Variants in CTNNA2 observed in about 807,000 individuals in gnomAD.
CTNNA2 encodes the protein catenin alpha-2.
In CTNNA2, 42 loss-of-function variants were observed where a neutral mutation model predicts 101.0. The observed-to-expected ratio is 0.42, with a 90% confidence interval of 0.32 to 0.54. The LOEUF (loss-of-function observed/expected upper bound fraction) is 0.54, where lower values mean the gene tolerates loss of function less well. Ranked by LOEUF, CTNNA2 falls within the 20% of genes least tolerant of loss-of-function variation. The pLI, the probability that CTNNA2 is intolerant of heterozygous loss-of-function variation, is 0.14. For synonymous variants in CTNNA2, 450 were observed against 456.4 expected (o/e 0.99, Z 0.18); for missense variants, 871 against 1,223.1 (o/e 0.71, Z 4.29).
chr2:80,449,298 A>G (rs1683306832), intron 9 of CTNNA2, among the ~76,000 whole-genome samples: 1 of 55,128 alleles, frequency 1.8e-5, no homozygotes, highest in South Asian at 9.3e-4. Flanking sequence ...TAAATAAATA[A>G]ATAAATAAAT....
intron 2 of CTNNA2, among the ~76,000 whole-genome samples, chr2:79,223,228 A>G (rs1674367769): frequency 6.6e-6 from 1 of 152,174 alleles, no homozygotes; most frequent in South Asian, 2.1e-4. Context: ...AGTCACAACA[A>G]GCAGTTAGCA....
chr2:79,462,432 A>C (rs1006738655), intron 4 of CTNNA2, among the ~76,000 whole-genome samples: 2 of 152,236 alleles, frequency 1.3e-5, no homozygotes, highest in African/African-American at 4.8e-5. Context: ...TTTGGTCCAC[A>C]TGGTTAGTCC....
At chr2:80,530,060 T>G (rs1296314401) in intron 9 of CTNNA2, among the ~76,000 whole-genome samples, 1 of 152,018 alleles carries the variant, frequency 6.6e-6, no homozygotes, top group East Asian at 1.9e-4. Flanking sequence ...TGAAAGCAAA[T>G]GCATCTGTGG....
intron 7 of CTNNA2, among the ~76,000 whole-genome samples, chr2:80,350,487 C>T (rs538776556): frequency 3.9e-5 from 6 of 152,278 alleles, no homozygotes; most frequent in African/African-American, 1.2e-4. Flanking sequence ...GCAGTTGCTA[C>T]AAGAAGTGGC....
chr2:80,171,332 A>G (rs1191130205), intron 7 of CTNNA2, among the ~76,000 whole-genome samples: 1 of 152,232 alleles, frequency 6.6e-6, no homozygotes, highest in Non-Finnish European at 1.5e-5. Context: ...GCATGGGCAC[A>G]GATACCTTAG....
intron 9 of CTNNA2, among the ~76,000 whole-genome samples, chr2:80,497,257 C>T (rs746445782): frequency 2.0e-5 from 3 of 152,120 alleles, no homozygotes; most frequent in Non-Finnish European, 4.4e-5. Flanking sequence ...GTGTTGAGGA[C>T]AGTATGAAAA....
chr2:80,457,077 A>C (rs1684042358), intron 9 of CTNNA2, among the ~76,000 whole-genome samples: 1 of 151,612 alleles, frequency 6.6e-6, no homozygotes, highest in African/African-American at 2.4e-5. Flanking sequence ...TTTTTTTTTA[A>C]TTTTACATGT....
At chr2:80,124,333 A>T (rs2148883418) in intron 7 of CTNNA2, among the ~76,000 whole-genome samples, 1 of 152,174 alleles carries the variant, frequency 6.6e-6, no homozygotes, top group African/African-American at 2.4e-5. Flanking sequence ...TTGGGACTGG[A>T]TTAAGTGCTT....
intron 7 of CTNNA2, among the ~76,000 whole-genome samples, chr2:80,086,146 T>C (rs549541981): frequency 6.6e-6 from 1 of 152,138 alleles, no homozygotes; most frequent in African/African-American, 2.4e-5. Flanking sequence ...ATTAATGAAT[T>C]TGACCCAAAT....
intron 7 of CTNNA2, among the ~76,000 whole-genome samples, chr2:80,307,677 A>G (rs186484936): frequency 1.0e-3 from 159 of 152,306 alleles, no homozygotes; most frequent in African/African-American, 3.7e-3. Flanking sequence ...ATTGGATAAG[A>G]GATGCTTTAT....
At chr2:79,463,166 T>C (rs1250483457) in intron 4 of CTNNA2, among the ~76,000 whole-genome samples, 1 of 152,026 alleles carries the variant, frequency 6.6e-6, no homozygotes, top group Non-Finnish European at 1.5e-5. Flanking sequence ...AATCCCACCA[T>C]TTTGGGAGGC....
intron 1 of CTNNA2, among the ~76,000 whole-genome samples, chr2:79,529,508 G>A (rs886661084): frequency 2.0e-5 from 3 of 152,050 alleles, no homozygotes; most frequent in Non-Finnish European, 2.9e-5. Flanking sequence ...GGAGGTGACA[G>A]TTATAGCTGT....
intron 8 of CTNNA2, among the ~76,000 whole-genome samples, chr2:80,394,506 T>C (rs1677820176): frequency 1.3e-5 from 2 of 152,244 alleles, no homozygotes; most frequent in South Asian, 2.1e-4. Context: ...ATTGTCCTTT[T>C]AGGTATTAGT....
intron 4 of CTNNA2, among the ~76,000 whole-genome samples, chr2:79,429,506 CATTTA>C (rs1212648331): frequency 5.9e-5 from 9 of 152,106 alleles, no homozygotes; most frequent in African/African-American, 2.2e-4. Flanking sequence ...TTACGATGTT[CATTTA>C]ATTTAACTAG....
At chr2:79,485,639 T>A (rs1028205438) in intron 4 of CTNNA2, among the ~76,000 whole-genome samples, 2 of 152,232 alleles carry the variant, frequency 1.3e-5, no homozygotes, top group Non-Finnish European at 2.9e-5. Flanking sequence ...CAACTCTGAC[T>A]GCCACACAGT....
chr2:79,930,350 A>AC (rs1243786919), intron 7 of CTNNA2, among the ~76,000 whole-genome samples: 2 of 84,656 alleles, frequency 2.4e-5, no homozygotes, highest in Non-Finnish European at 5.6e-5. Flanking sequence ...GAAAGAAAGA[A>AC]AGAAAGAATG....
intron 9 of CTNNA2, among the ~76,000 whole-genome samples, chr2:80,494,512 T>C (rs1687294480): frequency 6.6e-6 from 1 of 152,088 alleles, no homozygotes; most frequent in African/African-American, 2.4e-5. Context: ...TTTTTTTTTC[T>C]CTTAATTCAA....
chr2:79,615,873 C>G (rs939078851), intron 1 of CTNNA2, among the ~76,000 whole-genome samples: 2 of 152,164 alleles, frequency 1.3e-5, no homozygotes, highest in Non-Finnish European at 2.9e-5. Context: ...CTCAGTGATA[C>G]ATGCAGGTGA....
intron 2 of CTNNA2, among the ~76,000 whole-genome samples, chr2:79,683,750 G>A (rs1000248200): frequency 3.9e-5 from 6 of 152,202 alleles, no homozygotes; most frequent in Non-Finnish European, 8.8e-5. Flanking sequence ...ACAAGTTGCA[G>A]GAGCTGCAGG....
Sources: allele counts gnomAD v4.1 joint callset (sites outside exome capture counted in the v4.1 genomes callset), GRCh38; gene constraint gnomAD v4.1.1; transcripts MANE v1.5; gene names NCBI Gene and HGNC (gene_info 2026-07-23, HGNC 2026-07-21).